Variants in LCLAT1 observed in about 807,000 individuals in gnomAD.
LCLAT1 encodes 1-AGP acyltransferase 8.
Under a neutral mutation model 30.7 loss-of-function variants are expected in LCLAT1, and 11 were observed. The observed-to-expected ratio is 0.36, with a 90% CI of 0.23 to 0.59. The LOEUF is 0.59. LCLAT1 is among the 20% of genes least tolerant of loss of function. The probability of loss-of-function intolerance (pLI) is 0.77; values close to 1 mark genes in which losing one functional copy is unlikely to be tolerated. For synonymous variants in LCLAT1, 155 were observed against 151.3 expected (o/e 1.02, Z -0.18); for missense variants, 402 against 458.6 (o/e 0.88, Z 1.13).
rs188234888 is a variant in LCLAT1 at position 30,565,258 on chromosome 2, T to C, written c.512-2802T>C. On this transcript the variant is annotated intron_variant, in intron 4 of 5. Transcript: ENST00000379509. ...GTGGCAGAGTGGAGATCCCGGGAAG[T>C]AGTCGAAGTTCAAGGCCAAAGGCAG... Among the ~76,000 whole-genome samples, 13 of 152,006 alleles carry C rather than the reference T, an allele frequency of 8.6e-5. No individual in the cohort carries two copies. In the East Asian group the frequency reaches 2.5e-3, roughly 29 times the overall value.
At chr2:30,511,151 T>A (rs564252616) in intron 1 of LCLAT1, among the ~76,000 whole-genome samples, 33 of 152,258 alleles carry the variant, frequency 2.2e-4, no homozygotes, top group African/African-American at 7.5e-4. Context: ...TGCACGTAGG[T>A]GAGGCTTGTG....
chr2:30,534,271 G>GTT (rs1222014977), intron 3 of LCLAT1, among the ~76,000 whole-genome samples: 12 of 124,792 alleles, frequency 9.6e-5, no homozygotes, highest in Non-Finnish European at 1.7e-5. Flanking sequence ...GTGTGTGTGT[G>GTT]TGTTTGGGAG....
intron 3 of LCLAT1, among the ~76,000 whole-genome samples, chr2:30,543,355 A>C (rs755307740): frequency 5.3e-5 from 8 of 152,108 alleles, no homozygotes; most frequent in Non-Finnish European, 1.0e-4. Context: ...TCAATATGCT[A>C]ATAGCTTTAA....
intron 5 of LCLAT1, among the ~76,000 whole-genome samples, chr2:30,599,382 C>A (rs1034597346): frequency 5.3e-5 from 8 of 152,338 alleles, no homozygotes; most frequent in African/African-American, 1.9e-4. Context: ...GAGTGTTTTA[C>A]TTCCAATTAT....
At position 30,515,789 on chromosome 2, in the gene LCLAT1, T is replaced by C. The variant is rs375876501; in HGVS notation, c.-4-9798T>C. On this transcript the variant is annotated intron_variant, in intron 1 of 5. Coordinates refer to ENST00000379509, the MANE Select transcript of LCLAT1 (RefSeq NM_001002257.3). ...AAATTGCAGTGTTTTTAATTACTTT[T>C]CAATCATGGCGTTTTTTATTTTAAA... is the stretch of plus-strand genomic sequence containing the variant. Among the ~76,000 whole-genome samples, 7 of 152,354 alleles carry C rather than the reference T, an allele frequency of 4.6e-5. No homozygotes were observed. The East Asian group carries it at 1.3e-3, about 29-fold the overall frequency.
At chr2:30,487,289 CAA>C (rs1449789704) in intron 1 of LCLAT1, among the ~76,000 whole-genome samples, 2 of 152,142 alleles carry the variant, frequency 1.3e-5, no homozygotes, top group Non-Finnish European at 2.9e-5. Context: ...GCAATGGTGG[CAA>C]GTTTAGTTAA....
chr2:30,637,671 G>A (rs1407785209), intron 5 of LCLAT1, among the ~76,000 whole-genome samples: 5 of 152,052 alleles, frequency 3.3e-5, no homozygotes, highest in Non-Finnish European at 7.4e-5. Flanking sequence ...TCTGCCTCCC[G>A]GGTTCAAGCA....
chr2:30,540,585 T>C (rs1036748811), intron 3 of LCLAT1, among the ~76,000 whole-genome samples: 4 of 152,174 alleles, frequency 2.6e-5, no homozygotes, highest in Admixed American at 1.3e-4. Flanking sequence ...CATGGTGCTA[T>C]GAAATACCTG....
chr2:30,486,518 ACT>A (rs1683563527), intron 1 of LCLAT1, among the ~76,000 whole-genome samples: 1 of 152,132 alleles, frequency 6.6e-6, no homozygotes, highest in Admixed American at 6.6e-5. Flanking sequence ...CTTCCAGTGT[ACT>A]GTTACTTAGC....
intron 3 of LCLAT1, among the ~76,000 whole-genome samples, chr2:30,538,022 T>C (rs1270224471): frequency 6.6e-6 from 1 of 151,714 alleles, no homozygotes; most frequent in African/African-American, 2.4e-5. Context: ...AAAAAAAATT[T>C]GAAGCAAATG....
At chr2:30,578,751 T>G (rs1666093692) in intron 5 of LCLAT1, among the ~76,000 whole-genome samples, 1 of 152,178 alleles carries the variant, frequency 6.6e-6, no homozygotes, top group African/African-American at 2.4e-5. Context: ...CTTCATACTG[T>G]TCCTTATGTG....
At chr2:30,613,675 G>A (rs916838543) in intron 5 of LCLAT1, among the ~76,000 whole-genome samples, 1 of 125,734 alleles carries the variant, frequency 8.0e-6, no homozygotes, top group Admixed American at 8.4e-5. Flanking sequence ...TCTCGAAGAG[G>A]GGGATGTGTC....
intron 1 of LCLAT1, chr2:30,459,522 CT>C: frequency 2.3e-6 from 2 of 880,060 alleles, no homozygotes; most frequent in Non-Finnish European, 3.8e-6. Context: ...TCTGCTTTCT[CT>C]TTTTTTCTCC....
At chr2:30,618,770 A>G (rs1348470683) in intron 5 of LCLAT1, among the ~76,000 whole-genome samples, 1 of 152,224 alleles carries the variant, frequency 6.6e-6, no homozygotes, top group Non-Finnish European at 1.5e-5. Flanking sequence ...AATAGATTTA[A>G]TAATGAACTT....
intron 1 of LCLAT1, among the ~76,000 whole-genome samples, chr2:30,502,119 G>T (rs958594293): frequency 6.6e-6 from 1 of 152,080 alleles, no homozygotes; most frequent in Non-Finnish European, 1.5e-5. Flanking sequence ...CACTATGCAG[G>T]GACAGCCATT....
Position 30,481,007 on chromosome 2 carries a change from C to T in LCLAT1, c.-5+33624C>T, listed in dbSNP as rs561536232. 7.1e-4 allele frequency among the ~76,000 whole-genome samples: 108 copies of T among 152,106 alleles called. 1 individual carries two copies. Among genetic ancestry groups the T allele is most frequent in the Non-Finnish European group, 5.9e-4 (40 of 68,024 alleles). On this transcript the variant is annotated intron_variant, in intron 1 of 5. Coordinates refer to ENST00000379509, the MANE Select transcript of LCLAT1 (RefSeq NM_001002257.3). ...GAACTTGCTTTAAGTAGTGGTCAGCCTTAGAGCTTGTTTAAGGAGTTGACA... is the reference window on the plus strand; with the variant it reads ...GAACTTGCTTTAAGTAGTGGTCAGCTTTAGAGCTTGTTTAAGGAGTTGACA...
chr2:30,635,763 C>T (rs529520832), intron 5 of LCLAT1, among the ~76,000 whole-genome samples: 1 of 152,310 alleles, frequency 6.6e-6, no homozygotes, highest in East Asian at 1.9e-4. Context: ...GTGCCAAGTA[C>T]TGTCCAAAGA....
intron 5 of LCLAT1, among the ~76,000 whole-genome samples, chr2:30,630,451 A>G (rs1668714636): frequency 6.6e-6 from 1 of 152,220 alleles, no homozygotes; most frequent in South Asian, 2.1e-4. Context: ...ATCAGTTGGT[A>G]TGATTCAAGT....
intron 3 of LCLAT1, among the ~76,000 whole-genome samples, chr2:30,538,336 G>A (rs975107963): frequency 6.6e-6 from 1 of 152,114 alleles, no homozygotes; most frequent in Non-Finnish European, 1.5e-5. Context: ...GTTAGACTAA[G>A]TAACAAAGAG....
Sources: allele counts gnomAD v4.1 joint callset (sites outside exome capture counted in the v4.1 genomes callset), GRCh38; gene constraint gnomAD v4.1.1; transcripts MANE v1.5; gene names NCBI Gene and HGNC (gene_info 2026-07-23, HGNC 2026-07-21).